TBC1D5: variants seen among roughly 807,000 people sequenced by gnomAD.
TBC1D5 encodes TBC1 domain family, member 5.
Under a neutral mutation model 100.3 loss-of-function variants are expected in TBC1D5, and 75 were observed. The ratio of observed to expected loss-of-function variants is 0.75; its 90% CI spans 0.62 to 0.91. The LOEUF (loss-of-function observed/expected upper bound fraction) is 0.91, where lower values mean the gene tolerates loss of function less well. TBC1D5 is among the 40% of genes least tolerant of loss of function. The pLI, the probability that TBC1D5 is intolerant of heterozygous loss-of-function variation, is 0.00. For synonymous variants in TBC1D5, 323 were observed against 325.6 expected (o/e 0.99, Z 0.09); for missense variants, 910 against 942.4 (o/e 0.97, Z 0.45).
intron 10 of TBC1D5, 37 bp downstream of exon 10, chr3:17,376,488 A>C (rs1166831940): frequency 8.3e-6 from 13 of 1,566,730 alleles, no homozygotes; most frequent in Non-Finnish European, 1.0e-5. Flanking sequence ...GTGGGGGCTA[A>C]AAAACAAATG....
At chr3:17,443,595 C>CT (rs1293366568) in intron 3 of TBC1D5, among the ~76,000 whole-genome samples, 2 of 152,132 alleles carry the variant, frequency 1.3e-5, no homozygotes, top group Non-Finnish European at 2.9e-5. Context: ...CTTTGGCTTA[C>CT]GTAAACTCTA....
intron 1 of TBC1D5, among the ~76,000 whole-genome samples, chr3:17,698,483 G>A (rs987090370): frequency 1.3e-5 from 2 of 152,072 alleles, no homozygotes; most frequent in Non-Finnish European, 2.9e-5. Flanking sequence ...ATAGGCATGG[G>A]CAAGGACTTC....
exon 22 of TBC1D5, chr3:17,157,574 A>AG (rs1182741579): frequency 1.0e-5 from 1 of 98,568 alleles, no homozygotes; most frequent in Non-Finnish European, 2.1e-5. Flanking sequence ...GGCAGGGGCC[A>AG]GGGGCCAGGT....
At chr3:17,216,993 T>C (rs939291805) in intron 17 of TBC1D5, among the ~76,000 whole-genome samples, 1 of 152,118 alleles carries the variant, frequency 6.6e-6, no homozygotes, top group Admixed American at 6.6e-5. Context: ...ACTTAATCAC[T>C]GAGAAAAGAA....
In TBC1D5 at chr3:17,340,988, T is replaced by A. The variant is rs187862707; in HGVS notation, c.995+31087A>T. 3.3e-5 allele frequency among the ~76,000 whole-genome samples: 5 copies of A among 152,308 alleles called. No individual in the cohort carries two copies. The East Asian group carries it at 9.6e-4, about 29-fold the overall frequency. Reference sequence around the variant, plus strand: ...TTACAACGTTCTGAAAATGTCACATTAATATTTACAGAAGTCCCTCAATTT... The same window carrying A: ...TTACAACGTTCTGAAAATGTCACATAAATATTTACAGAAGTCCCTCAATTT... On this transcript the variant is annotated intron_variant, in intron 13 of 21. Coordinates refer to ENST00000253692, the Ensembl canonical transcript of TBC1D5.
intron 5 of TBC1D5, among the ~76,000 whole-genome samples, chr3:17,405,497 G>C (rs970644031): frequency 6.6e-6 from 1 of 151,954 alleles, no homozygotes; most frequent in African/African-American, 2.4e-5. Flanking sequence ...ATCTTAAAAT[G>C]ACAAATTTGA....
intron 2 of TBC1D5, among the ~76,000 whole-genome samples, chr3:17,619,401 T>C (rs2062459834): frequency 6.6e-6 from 1 of 152,182 alleles, no homozygotes; most frequent in African/African-American, 2.4e-5. Flanking sequence ...GAAAACAGTG[T>C]AGGACTGCTA....
chr3:17,607,270 CAA>C (rs11290168), intron 2 of TBC1D5, among the ~76,000 whole-genome samples: 3 of 151,164 alleles, frequency 2.0e-5, no homozygotes, highest in African/African-American at 4.9e-5. Context: ...ATGTGTACAG[CAA>C]AAAAAAATTA....
chr3:17,264,944 C>A (rs2078698275), intron 15 of TBC1D5, among the ~76,000 whole-genome samples: 1 of 152,194 alleles, frequency 6.6e-6, no homozygotes, highest in Non-Finnish European at 1.5e-5. Context: ...AGTGATGTTT[C>A]ATACTTCAAA....
At chr3:17,542,168 T>C (rs1303010839) in intron 2 of TBC1D5, among the ~76,000 whole-genome samples, 1 of 152,104 alleles carries the variant, frequency 6.6e-6, no homozygotes. Flanking sequence ...CACACACTTG[T>C]AGTCTCAGCT....
At chr3:17,252,697 AG>A (rs897601768) in intron 16 of TBC1D5, among the ~76,000 whole-genome samples, 4 of 152,182 alleles carry the variant, frequency 2.6e-5, no homozygotes, top group Non-Finnish European at 4.4e-5. Context: ...GCTCCTCTCA[AG>A]GGCTGGCCTA....
At chr3:17,594,718 G>A (rs953981732) in intron 2 of TBC1D5, among the ~76,000 whole-genome samples, 1 of 152,186 alleles carries the variant, frequency 6.6e-6, no homozygotes, top group African/African-American at 2.4e-5. Flanking sequence ...GGGGATTGGT[G>A]CATTTCCAGT....
chr3:17,449,451 C>A (rs2094875199), intron 3 of TBC1D5, among the ~76,000 whole-genome samples: 1 of 152,156 alleles, frequency 6.6e-6, no homozygotes, highest in African/African-American at 2.4e-5. Context: ...GTGGATCCCA[C>A]CCCCACAAAG....
At chr3:17,603,673 G>C (rs547998045) in intron 2 of TBC1D5, among the ~76,000 whole-genome samples, 1 of 152,130 alleles carries the variant, frequency 6.6e-6, no homozygotes, top group East Asian at 1.9e-4. Context: ...TTCTGCCGGC[G>C]GCGGGGTGGA....
chr3:17,689,796 A>C (rs1023154868), intron 1 of TBC1D5, among the ~76,000 whole-genome samples: 1 of 152,194 alleles, frequency 6.6e-6, no homozygotes, highest in African/African-American at 2.4e-5. Flanking sequence ...CAAATGAGAA[A>C]TATAACTTGC....
At chr3:17,546,308 G>A (rs1433789481) in intron 2 of TBC1D5, among the ~76,000 whole-genome samples, 1 of 152,064 alleles carries the variant, frequency 6.6e-6, no homozygotes. Flanking sequence ...TGCTTATATT[G>A]TACACAACTT....
intron 18 of TBC1D5, among the ~76,000 whole-genome samples, chr3:17,206,387 A>G (rs2072189829): frequency 6.6e-6 from 1 of 152,188 alleles, no homozygotes; most frequent in East Asian, 1.9e-4. Flanking sequence ...TATTTCTTAA[A>G]CAGATATAAT....
At chr3:17,660,761 T>C (rs1008167617) in intron 1 of TBC1D5, among the ~76,000 whole-genome samples, 2 of 152,166 alleles carry the variant, frequency 1.3e-5, no homozygotes, top group South Asian at 4.1e-4. Flanking sequence ...TAGTTTCCAT[T>C]GTAGGGAAAA....
chr3:17,551,198 G>A (rs1470237952), intron 2 of TBC1D5, among the ~76,000 whole-genome samples: 1 of 152,012 alleles, frequency 6.6e-6, no homozygotes, highest in African/African-American at 2.4e-5. Context: ...CATGCTGATC[G>A]GTCATACAGC....
Sources: allele counts gnomAD v4.1 joint callset (sites outside exome capture counted in the v4.1 genomes callset), GRCh38; gene constraint gnomAD v4.1.1; transcripts MANE v1.5; gene names NCBI Gene and HGNC (gene_info 2026-07-23, HGNC 2026-07-21).